Variants in ANKDD1A observed in about 807,000 individuals in gnomAD.
ANKDD1A encodes ankyrin repeat and death domain-containing protein 1A.
Under a neutral mutation model 63.5 loss-of-function variants are expected in ANKDD1A, and 59 were observed. The ratio of observed to expected loss-of-function variants is 0.93; its 90% CI spans 0.75 to 1.15. The LOEUF is 1.15. ANKDD1A is among the 50% of genes most tolerant of loss of function. The pLI is 0.00. For synonymous variants in ANKDD1A, 266 were observed against 263.9 expected, an observed-to-expected ratio of 1.01 and a Z score of -0.08; for missense variants, 632 against 656.4, an observed-to-expected ratio of 0.96 and a Z score of 0.41.
chr15:64,949,598 G>A (rs6494503), intron 13 of ANKDD1A, among the ~76,000 whole-genome samples: 79,222 of 151,968 alleles, frequency 0.52, 21,674 homozygotes, highest in East Asian at 0.85. Context: ...CCTGGGGCTG[G>A]GGAGGTTCTA....
At chr15:64,931,742 T>A (rs548507914) in intron 8 of ANKDD1A, 157 bp downstream of exon 8, 1 of 743,384 alleles carries the variant, frequency 1.3e-6, no homozygotes, top group African/African-American at 1.7e-5. Context: ...CTGAGCCCTG[T>A]GACCTGGAGC....
At chr15:64,935,300 G>T (rs1338773058) in intron 9 of ANKDD1A, among the ~76,000 whole-genome samples, 2 of 152,032 alleles carry the variant, frequency 1.3e-5, no homozygotes, top group South Asian at 2.1e-4. Flanking sequence ...GGAGGCCAAG[G>T]TGAGCAGATT....
chr15:64,921,313 A>AT lies in ANKDD1A; in HGVS notation c.268-602dup, dbSNP rs2085005167. On this transcript the variant is annotated intron_variant, in intron 3 of 14. Coordinates refer to ENST00000319580, the MANE Select transcript of ANKDD1A (RefSeq NM_182703.6). Reference sequence around the variant, plus strand: ...ATATTCTAAGATTGGTTCCTTACAAATTTTTTCTTTTAAAATGGTCTTTCT... The same window carrying AT: ...ATATTCTAAGATTGGTTCCTTACAAATTTTTTTCTTTTAAAATGGTCTTTCT... Among the ~76,000 whole-genome samples, 3 of 152,208 alleles carry AT rather than the reference A, an allele frequency of 2.0e-5. No individual in the cohort carries two copies. In the South Asian group the frequency reaches 6.2e-4, roughly 32 times the overall value.
intron 14 of ANKDD1A, chr15:64,951,527 T>TC (rs2085276417): frequency 1.6e-5 from 1 of 62,304 alleles, no homozygotes; most frequent in Non-Finnish European, 3.8e-5. Context: ...TGTTTTCTTC[T>TC]TCCTCTTCCC....
chr15:64,941,766 CCT>C (rs2085186299), intron 9 of ANKDD1A, among the ~76,000 whole-genome samples: 1 of 152,066 alleles, frequency 6.6e-6, no homozygotes, highest in Non-Finnish European at 1.5e-5. Flanking sequence ...GGGAGTATCC[CCT>C]CTTTGTCATT....
chr15:64,944,893 CA>C (rs1479760070), intron 12 of ANKDD1A, 146 bp downstream of exon 12: 2 of 751,418 alleles, frequency 2.7e-6, no homozygotes, highest in Non-Finnish European at 4.2e-6. Flanking sequence ...TATGTTACCA[CA>C]GTTGTTTGTG....
intron 13 of ANKDD1A, 119 bp from the exon 14 acceptor site, chr15:64,949,722 G>C: frequency 6.9e-7 from 1 of 1,445,180 alleles, no homozygotes; most frequent in Non-Finnish European, 9.3e-7. Context: ...GGAGGCTTTT[G>C]GCCTCTTTCC....
At chr15:64,927,779 T>G (rs537522904) in intron 6 of ANKDD1A, among the ~76,000 whole-genome samples, 1 of 151,996 alleles carries the variant, frequency 6.6e-6, no homozygotes, top group Admixed American at 6.6e-5. Flanking sequence ...TAATTTTTTT[T>G]GTATTTTTAG....
intron 4 of ANKDD1A, 63 bp downstream of exon 4, chr15:64,922,082 C>G: frequency 2.0e-6 from 3 of 1,489,384 alleles, no homozygotes. Flanking sequence ...CACAGGTCTC[C>G]CCCGACCTCT....
At chr15:64,953,522 T>TCCTC (rs2085343577) in intron 14 of ANKDD1A, among the ~76,000 whole-genome samples, 1 of 131,140 alleles carries the variant, frequency 7.6e-6, no homozygotes, top group Non-Finnish European at 1.6e-5. Context: ...CTTCTCCTTC[T>TCCTC]TCCTTCTTCT....
At chr15:64,954,963 C>G (rs1198555288) in intron 14 of ANKDD1A, among the ~76,000 whole-genome samples, 2 of 150,786 alleles carry the variant, frequency 1.3e-5, no homozygotes, top group African/African-American at 4.9e-5. Context: ...TCTCCTTCTT[C>G]TTCTCCTTGT....
chr15:64,951,398 T>A, intron 14 of ANKDD1A: 1 of 161,554 alleles, frequency 6.2e-6, no homozygotes, highest in Non-Finnish European at 7.7e-6. Flanking sequence ...CTTCTTCCTC[T>A]TTTTTCTTTT....
intron 9 of ANKDD1A, 132 bp from the exon 10 acceptor site, chr15:64,942,335 T>C (rs1272212011): frequency 7.0e-6 from 4 of 568,354 alleles, no homozygotes; most frequent in Non-Finnish European, 1.2e-5. Flanking sequence ...AGGCCACCCA[T>C]GTCATCCAAG....
At chr15:64,925,925 G>A (rs370748144) in intron 4 of ANKDD1A, 141 bp from the exon 5 acceptor site, 71 of 706,258 alleles carry the variant, frequency 1.0e-4, no homozygotes, top group Non-Finnish European at 5.3e-5. Flanking sequence ...GTTATCCCTC[G>A]GGTCCATTCA....
At chr15:64,955,219 A>G (rs957415636) in intron 14 of ANKDD1A, among the ~76,000 whole-genome samples, 1 of 151,754 alleles carries the variant, frequency 6.6e-6, no homozygotes, top group Non-Finnish European at 1.5e-5. Flanking sequence ...ACACCCAGCT[A>G]ATGTTTTGTA....
chr15:64,920,890 C>G (rs2085002668), intron 3 of ANKDD1A, among the ~76,000 whole-genome samples: 1 of 152,138 alleles, frequency 6.6e-6, no homozygotes, highest in South Asian at 2.1e-4. Context: ...AACACCAGTC[C>G]AGGATAAGGT....
At position 64,958,591 on chromosome 15, in the gene ANKDD1A, T is replaced by C. The variant is rs2085442353; in HGVS notation, c.*1403T>C. 1 of 152,216 alleles carries C rather than the reference T, an allele frequency of 6.6e-6. No individual in the cohort carries two copies. Among genetic ancestry groups the C allele is most frequent in the Non-Finnish European group, 1.5e-5 (1 of 68,046 alleles). 9.4% of individuals were successfully genotyped at this position (152,216 alleles called of 1,614,324 possible). On this transcript the variant is annotated 3_prime_UTR_variant, in exon 15 of 15. Transcript: ENST00000319580. Reference sequence around the variant, plus strand: ...AAAGGTATTTTGTACCATATGGGACTGAAATCATTTATCTGGATGAATTTT... The same window carrying C: ...AAAGGTATTTTGTACCATATGGGACCGAAATCATTTATCTGGATGAATTTT...
At chr15:64,954,822 TTC>T (rs1366972695) in intron 14 of ANKDD1A, among the ~76,000 whole-genome samples, 13 of 147,570 alleles carry the variant, frequency 8.8e-5, no homozygotes, top group African/African-American at 2.7e-4. Flanking sequence ...GTTCTTCTCC[TTC>T]TTTTTGTTGT....
chr15:64,937,447 G>A (rs530367425), intron 9 of ANKDD1A, among the ~76,000 whole-genome samples: 284 of 152,208 alleles, frequency 1.9e-3, no homozygotes, highest in African/African-American at 6.2e-3. Flanking sequence ...GAATGAGGAC[G>A]GCCGGGCGCA....
Sources: gnomAD v4.1 joint callset for allele counts (sites outside exome capture counted in the v4.1 genomes callset) on GRCh38, gnomAD v4.1.1 for gene constraint, MANE v1.5 for transcripts, NCBI Gene and HGNC (gene_info 2026-07-23, HGNC 2026-07-21) for gene names.